The following LMNTD1 variants were observed in gnomAD, a reference collection of about 807,000 sequenced individuals.
LMNTD1 encodes lamin tail domain containing 1.
A neutral mutation model predicts 50.9 loss-of-function variants in LMNTD1; 35 were observed. That is an observed-to-expected ratio of 0.69 (90% CI 0.53 to 0.91). The LOEUF is 0.91. Among genes scored for constraint, LMNTD1 ranks in the 40% least tolerant of loss-of-function variants. The probability of loss-of-function intolerance (pLI) is 0.00; values close to 1 mark genes in which losing one functional copy is unlikely to be tolerated. For missense variants in LMNTD1, 470 were observed against 475.5 expected (o/e 0.99, Z 0.11); for synonymous variants, 153 against 161.9 (o/e 0.94, Z 0.42).
chr12:25,578,009 A>T (rs1236680905), intron 1 of LMNTD1, among the ~76,000 whole-genome samples: 1 of 152,116 alleles, frequency 6.6e-6, no homozygotes, highest in Non-Finnish European at 1.5e-5. Flanking sequence ...CACTCCATGG[A>T]CAGGCTTCTT....
At chr12:25,609,346 C>T (rs188512629) in intron 1 of LMNTD1, among the ~76,000 whole-genome samples, 29 of 152,276 alleles carry the variant, frequency 1.9e-4, no homozygotes, top group South Asian at 6.2e-4. Flanking sequence ...AGTCATTCTC[C>T]GTCCAGCTTT....
chr12:25,571,437 C>T (rs997435353), intron 1 of LMNTD1, among the ~76,000 whole-genome samples: 1 of 151,862 alleles, frequency 6.6e-6, no homozygotes, highest in African/African-American at 2.4e-5. Context: ...GATCTCGGCT[C>T]ACTGCAAGCT....
chr12:25,493,181 T>C (rs1938943753), intron 9 of LMNTD1, among the ~76,000 whole-genome samples: 1 of 152,240 alleles, frequency 6.6e-6, no homozygotes, highest in Non-Finnish European at 1.5e-5. Flanking sequence ...GGTCTATGAC[T>C]TCTTTAAAGG....
At chr12:25,545,788 C>A (rs1943392749) in intron 4 of LMNTD1, among the ~76,000 whole-genome samples, 1 of 151,584 alleles carries the variant, frequency 6.6e-6, no homozygotes, top group African/African-American at 2.4e-5. Context: ...TGACCCTCAA[C>A]TCTGATTTCT....
chr12:25,619,250 C>CTATATATATATATATATA (rs1185194793), intron 1 of LMNTD1, among the ~76,000 whole-genome samples: 6 of 79,406 alleles, frequency 7.6e-5, no homozygotes, highest in Admixed American at 1.3e-4. Flanking sequence ...CTCTCTCTCT[C>CTATATATATATATATATA]TCTATATATA....
In LMNTD1 at chr12:25,637,741, C is replaced by T. The variant is rs148316410; in HGVS notation, c.58+10753G>A. 3.0e-3 allele frequency among the ~76,000 whole-genome samples: 450 copies of T among 152,086 alleles called. 2 individuals are homozygous for T. Among genetic ancestry groups the T allele is most frequent in the African/African-American group, 0.01 (433 of 41,494 alleles). On this transcript the variant is annotated intron_variant, in intron 1 of 7. Coordinates refer to the LMNTD1 transcript ENST00000445693. Reference sequence around the variant, plus strand: ...CTCTTCCAATTCAACAATAAAAAGACAATGCAATTTAAAGATGGGTAAAGG... The same window carrying T: ...CTCTTCCAATTCAACAATAAAAAGATAATGCAATTTAAAGATGGGTAAAGG...
At chr12:25,586,323 C>T (rs1592075598) in intron 1 of LMNTD1, among the ~76,000 whole-genome samples, 5 of 152,256 alleles carry the variant, frequency 3.3e-5, no homozygotes, top group African/African-American at 1.2e-4. Flanking sequence ...CTTAACCACT[C>T]TGCTGCCTAA....
chr12:25,547,209 G>A lies in LMNTD1; in HGVS notation c.311-655C>T, dbSNP rs1022598195. ...TCTGGACAAATCTAATAATATATCCGCAAAGGGGGAGTTACATTACAAAGA... is the reference window on the plus strand; with the variant it reads ...TCTGGACAAATCTAATAATATATCCACAAAGGGGGAGTTACATTACAAAGA... On this transcript the variant is annotated intron_variant, in intron 3 of 9. Transcript: ENST00000458174. 1.9e-5 allele frequency: 18 copies of A among 962,994 alleles called. No individual in the cohort carries two copies. In the South Asian group the frequency reaches 2.9e-4, roughly 15 times the overall value. 59.7% of individuals were successfully genotyped at this position (962,994 alleles called of 1,614,324 possible). A position where few individuals can be genotyped will look rare whatever the true frequency, so the allele number is the denominator to read the frequency against.
At position 25,623,748 on chromosome 12, in the gene LMNTD1, A is replaced by G. The variant is rs184387334; in HGVS notation, c.58+24746T>C. Among the ~76,000 whole-genome samples, 620 of 152,146 alleles carry G rather than the reference A, an allele frequency of 4.1e-3. 1 individual carries two copies. The highest frequency in any genetic ancestry group is 0.014 in the African/African-American group (579 of 41,506). On this transcript the variant is annotated intron_variant, in intron 1 of 7. Coordinates refer to the LMNTD1 transcript ENST00000445693. ...TCCCACACTCTTGCCTGTGTGCCAC[A>G]CCCATGGCCAACAGATGCTAAAAAC...
In LMNTD1 at chr12:25,518,874, TTCAA is replaced by T. The variant is rs757361529; in HGVS notation, c.1106_1109del (p.Ile369AsnfsTer49). On this transcript the variant is annotated frameshift_variant, in exon 8 of 10. Coordinates refer to ENST00000458174, the MANE Select transcript of LMNTD1 (RefSeq NM_001145728.2). LOFTEE classifies it high-confidence loss of function. ...CTCCAGCGGTGGATGTATTGTGTGGTTCAATCAGAGGACAGTAAGGATGTGCAGA... is the reference window on the plus strand; with the variant it reads ...CTCCAGCGGTGGATGTATTGTGTGGTTCAGAGGACAGTAAGGATGTGCAGA... The T allele has an allele frequency of 2.5e-6, 4 of 1,613,964 alleles. No homozygotes were observed. Among genetic ancestry groups the T allele is most frequent in the East Asian group, 4.5e-5 (2 of 44,852 alleles).
chr12:25,497,891 T>C (rs1008279397), intron 9 of LMNTD1: 1 of 152,126 alleles, frequency 6.6e-6, no homozygotes, highest in Non-Finnish European at 1.5e-5. Flanking sequence ...CCAACAAAAC[T>C]CAATGAATTT....
In LMNTD1 at chr12:25,577,672, T is replaced by C. The variant is rs558632519; in HGVS notation, c.59-31118A>G. ...CCTCTTTTCCTAATTGAATACACTT[T>C]ATTTCTTTCTCCTGCCTGATTGCCC... On this transcript the variant is annotated intron_variant, in intron 1 of 7. Transcript: ENST00000445693. Among the ~76,000 whole-genome samples the C allele has an allele frequency of 2.0e-5, 3 of 152,310 alleles. No individual in the cohort carries two copies. In the East Asian group the frequency reaches 5.8e-4, roughly 29 times the overall value.
intron 1 of LMNTD1, among the ~76,000 whole-genome samples, chr12:25,621,123 G>C (rs1349254106): frequency 6.6e-6 from 1 of 152,204 alleles, no homozygotes; most frequent in Non-Finnish European, 1.5e-5. Flanking sequence ...TTGGTCACTG[G>C]AGTATTCCAA....
chr12:25,489,231 C>T (rs1192282543), intron 9 of LMNTD1, among the ~76,000 whole-genome samples: 2 of 151,202 alleles, frequency 1.3e-5, no homozygotes, highest in Admixed American at 1.3e-4. Flanking sequence ...CCCAGACTCG[C>T]TGCTGCCTTG....
intron 4 of LMNTD1, among the ~76,000 whole-genome samples, chr12:25,534,242 T>C (rs1942421850): frequency 6.6e-6 from 1 of 152,094 alleles, no homozygotes; most frequent in Admixed American, 6.6e-5. Context: ...AACAACCAAA[T>C]TGAGAATCAG....
intron 1 of LMNTD1, among the ~76,000 whole-genome samples, chr12:25,642,873 T>C (rs1378929947): frequency 6.6e-6 from 1 of 152,216 alleles, no homozygotes; most frequent in African/African-American, 2.4e-5. Context: ...TGGAATTTTA[T>C]ATATGTCCCA....
intron 1 of LMNTD1, among the ~76,000 whole-genome samples, chr12:25,587,433 C>A (rs1420482902): frequency 6.6e-6 from 1 of 152,204 alleles, no homozygotes; most frequent in Non-Finnish European, 1.5e-5. Flanking sequence ...GGAGCAGGCA[C>A]GTCATATGGC....
intron 1 of LMNTD1, among the ~76,000 whole-genome samples, chr12:25,558,596 A>G (rs907276149): frequency 6.6e-6 from 1 of 152,266 alleles, no homozygotes; most frequent in Non-Finnish European, 1.5e-5. Context: ...TAACAAAGAC[A>G]TATCCGACAC....
At chr12:25,526,400 C>A (rs11832810) in intron 5 of LMNTD1, among the ~76,000 whole-genome samples, 182 bp from the exon 6 acceptor site, 19,809 of 152,090 alleles carry the variant, frequency 0.13, 1,364 homozygotes, top group East Asian at 0.2. Flanking sequence ...AAGGAAAAAA[C>A]GAGAAAGAGA....
Sources: gnomAD v4.1 joint callset for allele counts (sites outside exome capture counted in the v4.1 genomes callset) on GRCh38, gnomAD v4.1.1 for gene constraint, MANE v1.5 for transcripts, NCBI Gene and HGNC (gene_info 2026-07-23, HGNC 2026-07-21) for gene names.